The following ZMYND8 variants were observed in gnomAD, a reference collection of about 807,000 sequenced individuals.
ZMYND8 encodes the protein zinc finger MYND-type containing 8, also known as MYND-type zinc finger-containing chromatin reader ZMYND8.
ZMYND8 carries 37 observed loss-of-function variants against 140.8 expected under a neutral mutation model. The observed-to-expected ratio is 0.26, with a 90% confidence interval of 0.20 to 0.35. The LOEUF is 0.35. Among genes scored for constraint, ZMYND8 ranks in the 10% least tolerant of loss-of-function variants. The probability of loss-of-function intolerance (pLI) is 1.00; values close to 1 mark genes in which losing one functional copy is unlikely to be tolerated. For synonymous variants in ZMYND8, 592 were observed against 597.1 expected (o/e 0.99, Z 0.12); for missense variants, 1,068 against 1,570.0 (o/e 0.68, Z 5.40).
chr20:47,255,541 C>T lies in ZMYND8; in HGVS notation c.1622-6102G>A, dbSNP rs191719729. Reference sequence around the variant, plus strand: ...CATATGCATATGGTGGATATATATACACACCATATACATATACTCAGTGTG... The same window carrying T: ...CATATGCATATGGTGGATATATATATACACCATATACATATACTCAGTGTG... On this transcript the variant is annotated intron_variant, in intron 12 of 22. Transcript: ENST00000471951. Among the ~76,000 whole-genome samples, 7 of 137,596 alleles carry T rather than the reference C, an allele frequency of 5.1e-5. No homozygotes were observed. In the East Asian group the frequency reaches 1.5e-3, roughly 29 times the overall value. The allele number at this position is 137,596 out of a possible 152,430, so 90.3% of individuals were successfully genotyped here. A position where few individuals can be genotyped will look rare whatever the true frequency, so the allele number is the denominator to read the frequency against.
chr20:47,318,848 A>G, intron 2 of ZMYND8: 1 of 855,984 alleles, frequency 1.2e-6, no homozygotes, highest in Non-Finnish European at 1.7e-6. Flanking sequence ...TGTGGAATGA[A>G]AGGTCACTCT....
At chr20:47,234,680 A>G (rs575534934) in intron 16 of ZMYND8, among the ~76,000 whole-genome samples, 10 of 152,320 alleles carry the variant, frequency 6.6e-5, no homozygotes, top group African/African-American at 2.4e-4. Flanking sequence ...AATAGATAAC[A>G]ATTACACCTA....
intron 3 of ZMYND8, among the ~76,000 whole-genome samples, chr20:47,304,767 G>GA (rs1302992769): frequency 6.6e-6 from 1 of 152,202 alleles, no homozygotes; most frequent in Non-Finnish European, 1.5e-5. Flanking sequence ...CGCAGTGGGG[G>GA]AGACAGCAGG....
At chr20:47,283,989 C>A (rs899509527) in intron 8 of ZMYND8, among the ~76,000 whole-genome samples, 1 of 152,042 alleles carries the variant, frequency 6.6e-6, no homozygotes, top group Non-Finnish European at 1.5e-5. Flanking sequence ...GTGGCCCGAT[C>A]TGGGCTCATT....
At chr20:47,302,165 TG>T (rs1309275382) in intron 3 of ZMYND8, among the ~76,000 whole-genome samples, 2 of 151,106 alleles carry the variant, frequency 1.3e-5, no homozygotes, top group Non-Finnish European at 2.9e-5. Flanking sequence ...TAATACAGTA[TG>T]TATGAAACAT....
At chr20:47,245,142 A>C (rs1481573738) in intron 14 of ZMYND8, among the ~76,000 whole-genome samples, 1 of 152,220 alleles carries the variant, frequency 6.6e-6, no homozygotes, top group Non-Finnish European at 1.5e-5. Context: ...TTCTGGCACC[A>C]ATCACCCAAA....
At chr20:47,291,655 C>A in intron 6 of ZMYND8, 141 bp downstream of exon 6, 1 of 495,692 alleles carries the variant, frequency 2.0e-6, no homozygotes, top group Non-Finnish European at 3.3e-6. Context: ...TTCTTCTATC[C>A]AAATAAAGGA....
At chr20:47,249,231 A>G in intron 13 of ZMYND8, 56 bp downstream of exon 13, 8 of 1,582,842 alleles carry the variant, frequency 5.1e-6, no homozygotes, top group Non-Finnish European at 6.9e-6. Context: ...TGGTATCCCT[A>G]CCAGTAATGA....
In ZMYND8 at chr20:47,349,327, ACC is replaced by A. The variant is rs938636701; in HGVS notation, c.15-1403_15-1402del. ...GAACCCCGTTAACAATTTCATTTAC[ACC>A]GCATCTGTAAAGAAAGCCTGTGACA... On this transcript the variant is annotated intron_variant, in intron 1 of 22. Transcript: ENST00000471951. Among the ~76,000 whole-genome samples, 29 of 152,324 alleles carry A rather than the reference ACC, an allele frequency of 1.9e-4. 1 individual carries two copies. The highest frequency in any genetic ancestry group is 6.5e-4 in the African/African-American group (27 of 41,566).
intron 7 of ZMYND8, among the ~76,000 whole-genome samples, chr20:47,288,266 TTGACC>T (rs1403319824): frequency 3.9e-5 from 6 of 152,208 alleles, no homozygotes; most frequent in African/African-American, 9.6e-5. Flanking sequence ...AGCACATCAC[TTGACC>T]TGCAGCCTTC....
chr20:47,277,530 T>C (rs908659179), intron 10 of ZMYND8, among the ~76,000 whole-genome samples: 3 of 152,206 alleles, frequency 2.0e-5, no homozygotes, highest in African/African-American at 7.2e-5. Flanking sequence ...ATCCCAGAAA[T>C]AACTTGGCTA....
chr20:47,330,999 G>T (rs1304013045), intron 2 of ZMYND8, among the ~76,000 whole-genome samples: 1 of 152,236 alleles, frequency 6.6e-6, no homozygotes, highest in Non-Finnish European at 1.5e-5. Flanking sequence ...TATGGGCAAA[G>T]GCCCTGAGGC....
chr20:47,299,526 A>C (rs1275678039), intron 3 of ZMYND8, among the ~76,000 whole-genome samples: 1 of 152,192 alleles, frequency 6.6e-6, no homozygotes, highest in African/African-American at 2.4e-5. Context: ...CATTTAGAGA[A>C]TAGATCAATA....
chr20:47,271,908 C>G (rs950022530), intron 11 of ZMYND8, among the ~76,000 whole-genome samples: 1 of 151,952 alleles, frequency 6.6e-6, no homozygotes, highest in East Asian at 1.9e-4. Flanking sequence ...GTCTCAAACT[C>G]CTGACCTCAA....
At chr20:47,294,626 C>G (rs772321992) in intron 5 of ZMYND8, 40 bp downstream of exon 5, 2 of 1,568,050 alleles carry the variant, frequency 1.3e-6, no homozygotes, top group Admixed American at 3.3e-5. Flanking sequence ...TATGTCATTA[C>G]GTTCATTTAC....
chr20:47,323,810 G>A (rs781133092), intron 2 of ZMYND8, among the ~76,000 whole-genome samples: 1 of 152,106 alleles, frequency 6.6e-6, no homozygotes, highest in Non-Finnish European at 1.5e-5. Context: ...TCAAGCTAGG[G>A]AGAGAGCTGG....
chr20:47,239,155 GA>G lies in ZMYND8; in HGVS notation c.2285-18del. 1 of 1,482,866 alleles carries G rather than the reference GA, an allele frequency of 6.7e-7. No homozygotes were observed. The highest frequency in any genetic ancestry group is 8.9e-7 in the Non-Finnish European group (1 of 1,121,924). The allele number at this position is 1,482,866 out of a possible 1,614,324, so 91.9% of individuals were successfully genotyped here. Reference sequence around the variant, plus strand: ...TACCTACAACTAGCCAATGCATGAAGAAAAAACAAACAAAAACCGGATTTCA... The same window carrying G: ...TACCTACAACTAGCCAATGCATGAAGAAAAACAAACAAAAACCGGATTTCA... On this transcript the variant is annotated intron_variant, in intron 14 of 22. Transcript: ENST00000471951.
intron 16 of ZMYND8, among the ~76,000 whole-genome samples, chr20:47,230,033 A>C (rs988122516): frequency 2.0e-5 from 3 of 152,130 alleles, no homozygotes; most frequent in Non-Finnish European, 4.4e-5. Flanking sequence ...TAAACTTCCT[A>C]CCTGAACCAT....
At chr20:47,267,402 A>C (rs1321691323) in intron 11 of ZMYND8, among the ~76,000 whole-genome samples, 1 of 149,632 alleles carries the variant, frequency 6.7e-6, no homozygotes, top group African/African-American at 2.5e-5. Flanking sequence ...TCAAAATGGT[A>C]AATTTTATGT....
Sources: allele counts gnomAD v4.1 joint callset (sites outside exome capture counted in the v4.1 genomes callset), GRCh38; gene constraint gnomAD v4.1.1; transcripts MANE v1.5; gene names NCBI Gene and HGNC (gene_info 2026-07-23, HGNC 2026-07-21).